The following NUP210 variants were observed in gnomAD, a reference collection of about 807,000 sequenced individuals.
NUP210 encodes the protein nuclear pore membrane glycoprotein 210.
Under a neutral mutation model 196.0 loss-of-function variants are expected in NUP210, and 151 were observed. The observed-to-expected ratio is 0.77, with a 90% CI of 0.67 to 0.88. NUP210 has a LOEUF of 0.88. Ranked by LOEUF, NUP210 falls within the 40% of genes least tolerant of loss-of-function variation. The pLI is 0.00. For missense variants in NUP210, 2,314 were observed against 2,493.7 expected (o/e 0.93, Z 1.53); for synonymous variants, 1,070 against 1,052.7 (o/e 1.02, Z -0.32).
At chr3:13,382,843 A>G (rs979641476) in intron 6 of NUP210, among the ~76,000 whole-genome samples, 1 of 152,182 alleles carries the variant, frequency 6.6e-6, no homozygotes, top group African/African-American at 2.4e-5. Context: ...TTATACCTCA[A>G]TGAAAAAACA....
chr3:13,341,600 G>A (rs75100230), intron 23 of NUP210, 148 bp downstream of exon 23: 93,957 of 929,462 alleles, frequency 0.1, 5,798 homozygotes, highest in Non-Finnish European at 0.12. Flanking sequence ...CCTAGAGCTC[G>A]TAACAGCTGC....
At position 13,348,615 on chromosome 3, in the gene NUP210, C is replaced by G; in HGVS notation, c.2835+3264G>C. On this transcript the variant is annotated intron_variant, in intron 20 of 39. Transcript: ENST00000254508. This position sits in a 1 kb window ranked among gnomAD's most constrained non-coding sequence, Gnocchi z 4.0. ...CTGGAGGAAGAGCTGGGGAATTGTTCTTTCTTCTATGAGGGGATAAGAATG... is the reference window on the plus strand; with the variant it reads ...CTGGAGGAAGAGCTGGGGAATTGTTGTTTCTTCTATGAGGGGATAAGAATG... 1 of 985,422 alleles carries G rather than the reference C, an allele frequency of 1.0e-6. No homozygotes were observed. The highest frequency in any genetic ancestry group is 1.7e-5 in the African/African-American group (1 of 57,370). The allele number at this position is 985,422 out of a possible 1,614,324, so 61.0% of individuals were successfully genotyped here.
chr3:13,360,154 C>T (rs983098145), intron 15 of NUP210, 116 bp downstream of exon 15: 1 of 865,288 alleles, frequency 1.2e-6, no homozygotes, highest in African/African-American at 1.7e-5. Flanking sequence ...AAAATGGGTA[C>T]AATAGGAGTG....
Position 13,348,802 on chromosome 3 carries a change from G to T in NUP210, c.2835+3077C>A. 1 of 985,374 alleles carries T rather than the reference G, an allele frequency of 1.0e-6. No homozygotes were observed. Among genetic ancestry groups the T allele is most frequent in the Non-Finnish European group, 1.2e-6 (1 of 829,920 alleles). 61.0% of individuals were successfully genotyped at this position (985,374 alleles called of 1,614,324 possible). ...CTCCCCCTCCTTGAGGCACGGCGCT[G>T]AGAAAACATCCTCTTTGCAAGACAG... is the stretch of plus-strand genomic sequence containing the variant. On this transcript the variant is annotated intron_variant, in intron 20 of 39. Coordinates refer to ENST00000254508, the MANE Select transcript of NUP210 (RefSeq NM_024923.4). This position sits in a 1 kb window ranked among gnomAD's most constrained non-coding sequence, Gnocchi z 4.0.
Position 13,358,416 on chromosome 3 carries a change from G to A in NUP210, c.2155-21C>T, listed in dbSNP as rs765196693. 3 of 1,590,728 alleles carry A rather than the reference G, an allele frequency of 1.9e-6. No homozygotes were observed. The African/African-American group carries it at 4.0e-5, about 21-fold the overall frequency. ...ATGACCTGGTAGGGCACAGTGAACA[G>A]TCAGACCCCCAAGCTTGAGTTCTCA... On this transcript the variant is annotated intron_variant, in intron 15 of 39. Coordinates refer to ENST00000254508, the MANE Select transcript of NUP210 (RefSeq NM_024923.4).
At chr3:13,329,900 C>T (rs1035025627) in intron 30 of NUP210, among the ~76,000 whole-genome samples, 2 of 152,230 alleles carry the variant, frequency 1.3e-5, no homozygotes, top group Non-Finnish European at 2.9e-5. Context: ...CATCACTCAA[C>T]CCCCATGCAA....
intron 20 of NUP210, among the ~76,000 whole-genome samples, chr3:13,343,978 A>T (rs1449394599): frequency 6.6e-6 from 1 of 152,142 alleles, no homozygotes; most frequent in Non-Finnish European, 1.5e-5. Context: ...AGGTGTTGTG[A>T]GTGAATGAAC....
At chr3:13,411,274 G>A (rs1700167290) in intron 1 of NUP210, among the ~76,000 whole-genome samples, 1 of 152,144 alleles carries the variant, frequency 6.6e-6, no homozygotes, top group Admixed American at 6.5e-5. Context: ...TCCAGCTGAA[G>A]GAAACTGGGT....
chr3:13,372,921 T>A (rs1318760148), intron 12 of NUP210, among the ~76,000 whole-genome samples: 1 of 151,896 alleles, frequency 6.6e-6, no homozygotes, highest in Non-Finnish European at 1.5e-5. Context: ...AGGACAGGGG[T>A]CCCAGTTTAT....
chr3:13,398,985 T>C (rs1293420621), intron 2 of NUP210, among the ~76,000 whole-genome samples: 1 of 152,052 alleles, frequency 6.6e-6, no homozygotes, highest in Non-Finnish European at 1.5e-5. Context: ...AATCACTGTA[T>C]GGGCCAGGTG....
At chr3:13,414,479 G>A (rs528204449) in intron 1 of NUP210, among the ~76,000 whole-genome samples, 25 of 145,068 alleles carry the variant, frequency 1.7e-4, no homozygotes, top group African/African-American at 6.5e-4. Context: ...CAGGGAGAAC[G>A]AGGCCCAAAA....
intron 10 of NUP210, 147 bp from the exon 11 acceptor site, chr3:13,375,788 G>T: frequency 1.2e-6 from 1 of 802,632 alleles, no homozygotes; most frequent in Non-Finnish European, 2.0e-6. Context: ...CAGACACCCT[G>T]CTGCCCTCTC....
chr3:13,325,649 G>A (rs1696717746), intron 33 of NUP210, 146 bp downstream of exon 33: 2 of 853,782 alleles, frequency 2.3e-6, no homozygotes. Flanking sequence ...GAGTCAGCAA[G>A]TGGCCAGTCC....
At chr3:13,401,635 C>G (rs1393465721) in intron 1 of NUP210, among the ~76,000 whole-genome samples, 2 of 152,174 alleles carry the variant, frequency 1.3e-5, no homozygotes, top group Admixed American at 1.3e-4. Flanking sequence ...ATGAACCCGG[C>G]CCATACCCAC....
rs189340346 is a variant in NUP210 at position 13,351,129 on chromosome 3, C to T, written c.2835+750G>A. The stretch of plus-strand genomic sequence containing the variant: ...GGACTGCCAGCTTACATTAGCAACA[C>T]GCAAAAACATAAAAACTTAAAATAA... On this transcript the variant is annotated intron_variant, in intron 20 of 39. Coordinates refer to ENST00000254508, the MANE Select transcript of NUP210 (RefSeq NM_024923.4). Among the ~76,000 whole-genome samples the T allele has an allele frequency of 2.0e-3, 304 of 152,248 alleles. 2 individuals are homozygous for T. Among genetic ancestry groups the T allele is most frequent in the African/African-American group, 6.9e-3 (287 of 41,540 alleles).
Position 13,350,026 on chromosome 3 carries a change from C to T in NUP210, c.2835+1853G>A, listed in dbSNP as rs1374662791. On this transcript the variant is annotated intron_variant, in intron 20 of 39. Transcript: ENST00000254508. The surrounding 1 kb of genome is among the most constrained non-coding windows in gnomAD (Gnocchi z 4.1). ...TTACTGAAGACAGTGGAGCAATCAG[C>T]CTCAATTAGTGCAGCTCAACAGTTG... Among the ~76,000 whole-genome samples, 1 of 152,162 alleles carries T rather than the reference C, an allele frequency of 6.6e-6. No individual in the cohort carries two copies. The highest frequency in any genetic ancestry group is 1.5e-5 in the Non-Finnish European group (1 of 68,024).
rs775717083 is a variant in NUP210 at position 13,347,510 on chromosome 3, G to A, written c.2836-4207C>T. On this transcript the variant is annotated intron_variant, in intron 20 of 39. Transcript: ENST00000254508. This position sits in a 1 kb window ranked among gnomAD's most constrained non-coding sequence, Gnocchi z 4.7. ...GGGCTGTGTGAGCAAAATTCATCAC[G>A]GCCCTGCACAGTCCATGTCCACTGT... The A allele has an allele frequency of 4.1e-5, 7 of 170,850 alleles. No individual in the cohort carries two copies. The highest frequency in any genetic ancestry group is 7.0e-5 in the Non-Finnish European group (6 of 85,394). The allele number at this position is 170,850 out of a possible 1,614,324, so 10.6% of individuals were successfully genotyped here. A position where few individuals can be genotyped will look rare whatever the true frequency, so the allele number is the denominator to read the frequency against.
rs1177658234 is a variant in NUP210 at position 13,319,851 on chromosome 3, G to A, written c.5295C>T (p.Thr1765=). 5.6e-6 allele frequency: 9 copies of A among 1,614,098 alleles called. No individual in the cohort carries two copies. The East Asian group carries it at 1.3e-4, about 24-fold the overall frequency. ...AAGSQGPLST[T]LTFSSPVTNQ... is the part of the protein sequence containing the mutation. ...TGGTCACGGGGCTGGAGAAGGTCAG[G>A]GTAGTGGACAGAGGCCCTTGGCTGC... The change falls in exon 37 of 40, where the codon ACC becomes ACT. Residue 1765 remains threonine, a synonymous_variant. Transcript: ENST00000254508.
Position 13,352,816 on chromosome 3 carries a change from G to A in NUP210, c.2629-632C>T, listed in dbSNP as rs1184130832. Reference sequence around the variant, plus strand: ...AAGAGCAAGAGTGAGTCAATGACAGGAAGGTGTGCATTGTGGGTGACAAGG... The same window carrying A: ...AAGAGCAAGAGTGAGTCAATGACAGAAAGGTGTGCATTGTGGGTGACAAGG... On this transcript the variant is annotated intron_variant, in intron 18 of 39. Coordinates refer to ENST00000254508, the MANE Select transcript of NUP210 (RefSeq NM_024923.4). Among the ~76,000 whole-genome samples, 6 of 152,262 alleles carry A rather than the reference G, an allele frequency of 3.9e-5. No homozygotes were observed. In the East Asian group the frequency reaches 9.7e-4, roughly 25 times the overall value.
Sources: gnomAD v4.1 joint callset for allele counts (sites outside exome capture counted in the v4.1 genomes callset) on GRCh38, gnomAD v4.1.1 for gene constraint, Gnocchi (gnomAD v3.1) non-coding constraint, MANE v1.5 for transcripts, NCBI Gene and HGNC (gene_info 2026-07-23, HGNC 2026-07-21) for gene names.